LTA4H: variants seen among roughly 807,000 people sequenced by gnomAD.
LTA4H encodes leukotriene A4 hydrolase.
LTA4H carries 59 observed loss-of-function variants against 89.8 expected under a neutral mutation model. The ratio of observed to expected loss-of-function variants is 0.66; its 90% confidence interval spans 0.53 to 0.82. The LOEUF (loss-of-function observed/expected upper bound fraction) is 0.82. Ranked by LOEUF, LTA4H falls within the 40% of genes least tolerant of loss-of-function variation. The probability of loss-of-function intolerance (pLI) is 0.00; values close to 1 mark genes in which losing one functional copy is unlikely to be tolerated. For synonymous variants in LTA4H, 227 were observed against 253.1 expected, an observed-to-expected ratio of 0.90 and a Z score of 0.98; for missense variants, 617 against 727.0, an observed-to-expected ratio of 0.85 and a Z score of 1.74.
At chr12:96,029,890 C>A (rs1950554550) in intron 1 of LTA4H, among the ~76,000 whole-genome samples, 1 of 152,154 alleles carries the variant, frequency 6.6e-6, no homozygotes, top group Non-Finnish European at 1.5e-5. Context: ...TGTTTCCTAA[C>A]AACATAAACA....
chr12:96,004,043 G>A, intron 16 of LTA4H, 123 bp from the exon 17 acceptor site: 1 of 460,764 alleles, frequency 2.2e-6, no homozygotes, highest in Non-Finnish European at 3.8e-6. Flanking sequence ...AAATAAGTCA[G>A]ATAAAAATAA....
At chr12:96,028,411 T>TG (rs1409392874) in intron 2 of LTA4H, among the ~76,000 whole-genome samples, 1 of 152,208 alleles carries the variant, frequency 6.6e-6, no homozygotes, top group East Asian at 1.9e-4. Flanking sequence ...CACTGGCCTC[T>TG]GAACAACTGG....
intron 1 of LTA4H, among the ~76,000 whole-genome samples, chr12:96,041,987 T>C (rs1288338537): frequency 0.015 from 326 of 21,714 alleles, no homozygotes; most frequent in African/African-American, 0.14. Context: ...TTTTTTTTTC[T>C]TTTTTTTTTT....
Position 96,017,573 on chromosome 12 carries a change from T to A in LTA4H, c.860A>T (p.Asp287Val). 1 of 1,610,894 alleles carries A rather than the reference T, an allele frequency of 6.2e-7. No individual in the cohort carries two copies. The highest frequency in any genetic ancestry group is 1.1e-5 in the South Asian group (1 of 90,790). Residue 287 changes from aspartate to valine, a missense_variant, in exon 9 of 19, where the codon GAC (aspartate) becomes GTC (valine). Coordinates refer to ENST00000228740, the MANE Select transcript of LTA4H (RefSeq NM_000895.3). ...TTAACTTACATTGGAGAGTGACTTG[T>A]CGCCTGCCTACAAAAAAAGAAAATT... ...TFVTPTLLAG[D>V]KSLSNVIAHE...
chr12:96,027,310 G>A, intron 3 of LTA4H, 134 bp downstream of exon 3: 1 of 663,496 alleles, frequency 1.5e-6, no homozygotes, highest in Non-Finnish European at 2.4e-6. Context: ...CATCTTATAT[G>A]TTTCTATAAG....
At chr12:96,037,010 G>C (rs1592904403), upstream of LTA4H, among the ~76,000 whole-genome samples, 1 of 152,220 alleles carries the variant, frequency 6.6e-6, no homozygotes, top group Non-Finnish European at 1.5e-5. Flanking sequence ...ACAGCACCAG[G>C]CCATGAGGGC....
intron 18 of LTA4H, among the ~76,000 whole-genome samples, chr12:96,001,322 C>T (rs982276709): frequency 1.4e-4 from 21 of 152,164 alleles, no homozygotes; most frequent in Admixed American, 3.9e-4. Context: ...CCAGTCCCAG[C>T]CAATCAGATG....
intron 9 of LTA4H, 31 bp from the exon 10 acceptor site, chr12:96,017,145 C>A: frequency 6.9e-7 from 1 of 1,440,854 alleles, no homozygotes; most frequent in Non-Finnish European, 9.8e-7. Context: ...AATAGTAAGA[C>A]TGATTATCTT....
chr12:96,038,876 G>A (rs531146377), upstream of LTA4H, among the ~76,000 whole-genome samples: 121 of 150,458 alleles, frequency 8.0e-4, no homozygotes, highest in African/African-American at 2.8e-3. Flanking sequence ...TGCCACTTGT[G>A]TTTAAATAAA....
chr12:96,015,169 T>A (rs989294669), intron 11 of LTA4H, 170 bp from the exon 12 acceptor site: 5 of 542,726 alleles, frequency 9.2e-6, no homozygotes, highest in Admixed American at 7.2e-5. Flanking sequence ...AGTCTATTAA[T>A]AGAATGCTTA....
At chr12:96,001,538 G>T (rs962427187) in intron 18 of LTA4H, among the ~76,000 whole-genome samples, 1 of 152,128 alleles carries the variant, frequency 6.6e-6, no homozygotes, top group Non-Finnish European at 1.5e-5. Flanking sequence ...CTGTATGTGA[G>T]AGTGAGCCTC....
chr12:96,019,892 G>A (rs1040569189), intron 6 of LTA4H, among the ~76,000 whole-genome samples: 4 of 145,348 alleles, frequency 2.8e-5, no homozygotes, highest in South Asian at 4.4e-4. Flanking sequence ...GAGCCACCAC[G>A]CCCAGCGTTT....
At position 96,003,014 on chromosome 12, in the gene LTA4H, G is replaced by A. The variant is rs368572493; in HGVS notation, c.1664C>T (p.Ala555Val). The change falls in exon 18 of 19, where the codon GCG becomes GTG. Residue 555 changes from alanine to valine, a missense_variant. Transcript: ENST00000228740. The stretch of plus-strand genomic sequence containing the variant: ...TCCTTGTTCAGTTGCCATCTTTAGC[G>A]CCAAAGGAATTGCGTCCTCCCACTT... ...QSKWEDAIPL[A>V]LKMATEQGRM... is the part of the protein sequence containing the mutation. The A allele has an allele frequency of 7.4e-5, 119 of 1,605,652 alleles. No homozygotes were observed. Among genetic ancestry groups the A allele is most frequent in the South Asian group, 1.2e-4 (11 of 89,368 alleles).
At chr12:96,038,765 A>G (rs1468205796), upstream of LTA4H, among the ~76,000 whole-genome samples, 1 of 148,124 alleles carries the variant, frequency 6.8e-6, no homozygotes, top group Non-Finnish European at 1.5e-5. Context: ...ACACAGTCAA[A>G]TCATCTTATT....
At chr12:96,006,570 G>C (rs769455081) in intron 15 of LTA4H, among the ~76,000 whole-genome samples, 161 bp from the exon 16 acceptor site, 2 of 152,148 alleles carry the variant, frequency 1.3e-5, no homozygotes, top group African/African-American at 2.4e-5. Context: ...TCCTGAGATT[G>C]AGTTACTGTA....
At chr12:96,030,241 C>T (rs1389798272) in intron 1 of LTA4H, among the ~76,000 whole-genome samples, 1 of 152,158 alleles carries the variant, frequency 6.6e-6, no homozygotes, top group Non-Finnish European at 1.5e-5. Flanking sequence ...CTCCTTTATT[C>T]CAATTCAAAA....
rs1950362940 is a variant in LTA4H, at chr12:96,015,613, A to G, written c.1029T>C (p.Ala343=). 4 of 1,613,960 alleles carry G rather than the reference A, an allele frequency of 2.5e-6. No homozygotes were observed. The East Asian group carries it at 8.9e-5, about 36-fold the overall frequency. The change falls in exon 11 of 19, where the codon GCT becomes GCC. Residue 343 remains alanine, a synonymous_variant. Coordinates refer to ENST00000228740, the MANE Select transcript of LTA4H (RefSeq NM_000895.3). ...TCTGTAGTTCTCCCCATCCTCCCAG[A>G]GCATTAAAATGTCTGAACTTTTCAC... ...LFGEKFRHFN[A]LGGWGELQNS... is the part of the protein sequence containing the mutation.
chr12:96,036,018 G>C (rs1016071880), upstream of LTA4H, among the ~76,000 whole-genome samples: 58 of 152,288 alleles, frequency 3.8e-4, no homozygotes, highest in African/African-American at 1.3e-3. Flanking sequence ...TCTTTCGTGC[G>C]GTTCCTCGTT....
intron 8 of LTA4H, among the ~76,000 whole-genome samples, chr12:96,018,463 C>T (rs1363547204): frequency 1.3e-5 from 2 of 152,052 alleles, no homozygotes; most frequent in African/African-American, 2.4e-5. Context: ...GCAGGAGAAT[C>T]GCTTGAACCC....
Sources: allele counts gnomAD v4.1 joint callset (sites outside exome capture counted in the v4.1 genomes callset), GRCh38; gene constraint gnomAD v4.1.1; transcripts MANE v1.5; gene names NCBI Gene and HGNC (gene_info 2026-07-23, HGNC 2026-07-21).